The following EEF1AKMT1 variants were observed in gnomAD, a reference collection of about 807,000 sequenced individuals.
The protein encoded by EEF1AKMT1 is N-6 adenine-specific DNA methyltransferase 2 (putative).
In EEF1AKMT1, 18 loss-of-function variants were observed where a neutral mutation model predicts 21.0. The ratio of observed to expected loss-of-function variants is 0.86; its 90% confidence interval spans 0.59 to 1.27. The LOEUF (loss-of-function observed/expected upper bound fraction) is 1.27, where lower values mean the gene tolerates loss of function less well. EEF1AKMT1 is among the 50% of genes most tolerant of loss of function. The pLI, the probability that EEF1AKMT1 is intolerant of heterozygous loss-of-function variation, is 0.00. For missense variants in EEF1AKMT1, 246 were observed against 258.6 expected (o/e 0.95, Z 0.33); for synonymous variants, 109 against 94.8 (o/e 1.15, Z -0.87).
intron 1 of EEF1AKMT1, among the ~76,000 whole-genome samples, chr13:20,766,298 C>CAAAAAAAAAAAAAAAAA (rs35866979): frequency 5.2e-5 from 4 of 76,762 alleles, no homozygotes; most frequent in Non-Finnish European, 9.2e-5. Context: ...GACTCCATCT[C>CAAAAAAAAAAAAAAAAA]AAAAAAAAAA....
intron 2 of EEF1AKMT1, among the ~76,000 whole-genome samples, chr13:20,744,848 A>G (rs1478032601): frequency 6.6e-6 from 1 of 152,068 alleles, no homozygotes; most frequent in Non-Finnish European, 1.5e-5. Context: ...ATTCATCTTC[A>G]GTTAATTTTT....
In EEF1AKMT1 at chr13:20,728,918, A is replaced by C; in HGVS notation, c.*162T>G. 1.1e-6 allele frequency: 1 copy of C among 892,192 alleles called. No individual in the cohort carries two copies. The highest frequency in any genetic ancestry group is 1.7e-6 in the Non-Finnish European group (1 of 586,294). 55.3% of individuals were successfully genotyped at this position (892,192 alleles called of 1,614,324 possible). ...ACTGAGCTCTAGGGACGCCCTCCCTAAGGAAACAATAATGAAGATCGCACA... is the reference window on the plus strand; with the variant it reads ...ACTGAGCTCTAGGGACGCCCTCCCTCAGGAAACAATAATGAAGATCGCACA... On this transcript the variant is annotated 3_prime_UTR_variant, in exon 5 of 5. Coordinates refer to ENST00000382758, the MANE Select transcript of EEF1AKMT1 (RefSeq NM_001318939.2).
intron 2 of EEF1AKMT1, among the ~76,000 whole-genome samples, chr13:20,751,861 C>A (rs1595023378): frequency 1.3e-5 from 2 of 152,112 alleles, no homozygotes; most frequent in Admixed American, 1.3e-4. Context: ...ACACCTTTCA[C>A]CTCCTTGGTT....
At chr13:20,750,480 A>C (rs977128496) in intron 2 of EEF1AKMT1, among the ~76,000 whole-genome samples, 1 of 152,164 alleles carries the variant, frequency 6.6e-6, no homozygotes, top group Non-Finnish European at 1.5e-5. Flanking sequence ...CACTTAACAT[A>C]ATGACCTCCC....
chr13:20,736,321 A>G (rs1478715177), intron 3 of EEF1AKMT1, among the ~76,000 whole-genome samples: 1 of 152,204 alleles, frequency 6.6e-6, no homozygotes, highest in African/African-American at 2.4e-5. Context: ...GTGCTGTCCA[A>G]CAAAACCATC....
chr13:20,757,028 C>T (rs945655663), intron 2 of EEF1AKMT1, among the ~76,000 whole-genome samples: 6 of 152,156 alleles, frequency 3.9e-5, no homozygotes, highest in African/African-American at 1.4e-4. Context: ...CCTCATTCTT[C>T]TTGGACGCAG....
chr13:20,772,348 A>G (rs559491781), intron 1 of EEF1AKMT1, among the ~76,000 whole-genome samples: 1 of 152,252 alleles, frequency 6.6e-6, no homozygotes, highest in East Asian at 1.9e-4. Flanking sequence ...AGCAGTTCTC[A>G]CAGAATGAGG....
At chr13:20,746,804 A>G (rs1419919756) in intron 2 of EEF1AKMT1, among the ~76,000 whole-genome samples, 1 of 152,256 alleles carries the variant, frequency 6.6e-6, no homozygotes, top group African/African-American at 2.4e-5. Flanking sequence ...GACAGTAACA[A>G]ACAAGATTTC....
At chr13:20,769,027 T>TG (rs2059050208) in intron 1 of EEF1AKMT1, 1 of 151,936 alleles carries the variant, frequency 6.6e-6, no homozygotes, top group African/African-American at 2.4e-5. Context: ...GTCAGTGGGA[T>TG]GGATCTAGGT....
intron 3 of EEF1AKMT1, among the ~76,000 whole-genome samples, chr13:20,732,821 T>C (rs559359973): frequency 6.6e-6 from 1 of 152,352 alleles, no homozygotes; most frequent in South Asian, 2.1e-4. Context: ...ATAAAGTCAT[T>C]TTGTAATATT....
At chr13:20,738,556 T>C (rs1026458807) in intron 2 of EEF1AKMT1, among the ~76,000 whole-genome samples, 1 of 152,156 alleles carries the variant, frequency 6.6e-6, no homozygotes, top group African/African-American at 2.4e-5. Context: ...TTCTCTGCTT[T>C]AAAAATCTGC....
At chr13:20,742,805 A>C (rs554012861) in intron 2 of EEF1AKMT1, among the ~76,000 whole-genome samples, 2 of 151,734 alleles carry the variant, frequency 1.3e-5, no homozygotes, top group African/African-American at 4.8e-5. Flanking sequence ...AACAGACCCC[A>C]CTCTGTTTGC....
intron 4 of EEF1AKMT1, 59 bp downstream of exon 4, chr13:20,731,782 C>G: frequency 6.5e-7 from 1 of 1,541,704 alleles, no homozygotes; most frequent in East Asian, 2.3e-5. Context: ...TTTCTTGACC[C>G]TGAAGACCTG....
chr13:20,764,898 C>CACAT (rs1473272214), intron 1 of EEF1AKMT1, among the ~76,000 whole-genome samples: 2 of 149,994 alleles, frequency 1.3e-5, no homozygotes, highest in Non-Finnish European at 3.0e-5. Context: ...CACACACACA[C>CACAT]ACACACACAC....
intron 1 of EEF1AKMT1, among the ~76,000 whole-genome samples, chr13:20,765,646 C>T (rs1566539392): frequency 6.6e-6 from 1 of 151,872 alleles, no homozygotes; most frequent in Non-Finnish European, 1.5e-5. Context: ...CTCCTGACCT[C>T]GTGATCCACC....
In EEF1AKMT1 at chr13:20,757,521, C is replaced by T. The variant is rs1387781947; in HGVS notation, c.78G>A (p.Glu26=). The part of the protein sequence containing the change: ...ALAALQEFYA[E]QKQQIEPGED... ...CGCCTGGCTCAATTTGTTGCTTTTG[C>T]TCAGCATAAAATTCCTGGAGAGCTG... Residue 26 remains glutamate, a synonymous_variant, in exon 2 of 5, where the codon GAG becomes GAA. Coordinates refer to ENST00000382758, the MANE Select transcript of EEF1AKMT1 (RefSeq NM_001318939.2). The T allele has an allele frequency of 6.2e-7, 1 of 1,613,988 alleles. No individual in the cohort carries two copies. The highest frequency in any genetic ancestry group is 1.3e-5 in the African/African-American group (1 of 74,908).
intron 2 of EEF1AKMT1, among the ~76,000 whole-genome samples, chr13:20,741,116 G>A (rs963989617): frequency 2.0e-5 from 3 of 152,006 alleles, no homozygotes; most frequent in South Asian, 2.1e-4. Flanking sequence ...TGAGTACCTC[G>A]GATTCTATGT....
chr13:20,773,657 AACGTGCGCGGC>A (rs1161453076), intron 1 of EEF1AKMT1, among the ~76,000 whole-genome samples: 3 of 152,242 alleles, frequency 2.0e-5, no homozygotes. Flanking sequence ...CCCGGGCGCC[AACGTGCGCGGC>A]ACAGGACGCG....
chr13:20,743,511 C>G (rs748479056), intron 2 of EEF1AKMT1, among the ~76,000 whole-genome samples: 2 of 151,316 alleles, frequency 1.3e-5, no homozygotes, highest in Non-Finnish European at 2.9e-5. Flanking sequence ...CAGTGGGTTT[C>G]CTTGACTTCC....
Sources: gnomAD v4.1 joint callset for allele counts (sites outside exome capture counted in the v4.1 genomes callset) on GRCh38, gnomAD v4.1.1 for gene constraint, MANE v1.5 for transcripts, NCBI Gene and HGNC (gene_info 2026-07-23, HGNC 2026-07-21) for gene names.